Variants in ZBED6 observed in about 807,000 individuals in gnomAD.
ZBED6 encodes zinc finger BED domain-containing protein 6.
In ZBED6, 40 loss-of-function variants were observed where a neutral mutation model predicts 58.4. The ratio of observed to expected loss-of-function variants is 0.68; its 90% CI spans 0.53 to 0.89. The LOEUF (loss-of-function observed/expected upper bound fraction) is 0.89. Ranked by LOEUF, ZBED6 falls within the 40% of genes least tolerant of loss-of-function variation. ZBED6 has a pLI of 0.00. For synonymous variants in ZBED6, 439 were observed against 350.6 expected (o/e 1.25, Z -2.82); for missense variants, 1,057 against 1,003.9 (o/e 1.05, Z -0.71).
At chr1:203,818,423 C>A in intron 2 of ZBED6, 147 bp from the exon 3 acceptor site, 1 of 1,064,804 alleles carries the variant, frequency 9.4e-7, no homozygotes, top group Non-Finnish European at 1.3e-6. Context: ...TCGGTTTGTT[C>A]CTGTCATTCC....
intron 1 of ZBED6, among the ~76,000 whole-genome samples, chr1:203,814,335 C>A (rs1234634880): frequency 6.6e-6 from 1 of 152,096 alleles, no homozygotes; most frequent in East Asian, 1.9e-4. Flanking sequence ...ACCAGCCTGG[C>A]CAACATGGCG....
intron 1 of ZBED6, among the ~76,000 whole-genome samples, chr1:203,811,346 A>G (rs1358485347): frequency 3.9e-5 from 6 of 152,194 alleles, no homozygotes; most frequent in Admixed American, 3.9e-4. Context: ...ATTAGTTGCC[A>G]AAAAATTGTA....
In ZBED6 at chr1:203,851,138, A is replaced by T. The variant is rs1308987554; in HGVS notation, c.*4873+14A>T. 6.8e-6 allele frequency: 11 copies of T among 1,613,498 alleles called. No individual in the cohort carries two copies. The Admixed American group carries it at 1.3e-4, about 20-fold the overall frequency. Reference sequence around the variant, plus strand: ...TCCTAGAGACAGGTAATACTTTGTAATTCTTTCTAAACAAACTCCAGGCCC... The same window carrying T: ...TCCTAGAGACAGGTAATACTTTGTATTTCTTTCTAAACAAACTCCAGGCCC... On this transcript the variant is annotated intron_variant, in intron 16 of 16. Coordinates refer to ENST00000550078, the Ensembl canonical transcript of ZBED6.
chr1:203,832,657 G>A (rs923098167), intron 8 of ZBED6, among the ~76,000 whole-genome samples: 1 of 152,028 alleles, frequency 6.6e-6, no homozygotes, highest in Non-Finnish European at 1.5e-5. Context: ...CACCACACCC[G>A]GCCTGTAACG....
At chr1:203,850,517 A>G (rs1689009751) in exon 15 of ZBED6, 1 of 1,613,866 alleles carries the variant, frequency 6.2e-7, no homozygotes, top group African/African-American at 1.3e-5. Flanking sequence ...CTTTGTAGCT[A>G]AACCCAAAGT....
chr1:203,806,037 C>T (rs1672218660), intron 1 of ZBED6: 7 of 538,744 alleles, frequency 1.3e-5, no homozygotes, highest in Non-Finnish European at 2.5e-5. Flanking sequence ...GATTGTCCTG[C>T]TGCTGCTCAT....
chr1:203,801,218 T>C (rs1187535468), exon 1 of ZBED6: 1 of 152,204 alleles, frequency 6.6e-6, no homozygotes, highest in East Asian at 1.9e-4. Context: ...GGAATTGTAA[T>C]GAGAGCCCTT....
intron 8 of ZBED6, among the ~76,000 whole-genome samples, chr1:203,832,421 T>C (rs887700760): frequency 1.3e-5 from 2 of 151,828 alleles, no homozygotes; most frequent in East Asian, 1.9e-4. Flanking sequence ...AGTGCAATGG[T>C]GCGATCTCCA....
exon 1 of ZBED6, chr1:203,796,532 C>T (rs1571838836): frequency 2.5e-6 from 1 of 398,934 alleles, no homozygotes; most frequent in East Asian, 3.6e-5. Context: ...ATATTGTTGA[C>T]ATCTTCCAGG....
At chr1:203,829,926 T>C (rs368118849) in intron 6 of ZBED6, 30 bp downstream of exon 6, 17 of 1,587,422 alleles carry the variant, frequency 1.1e-5, no homozygotes, top group East Asian at 4.5e-5. Flanking sequence ...GTGCCTCTTA[T>C]AGCACTGTTG....
intron 11 of ZBED6, among the ~76,000 whole-genome samples, chr1:203,842,285 C>A (rs1371814676): frequency 6.6e-6 from 1 of 152,224 alleles, no homozygotes; most frequent in African/African-American, 2.4e-5. Flanking sequence ...CGAGATCACG[C>A]CACTGCACTC....
intron 7 of ZBED6, among the ~76,000 whole-genome samples, chr1:203,831,303 T>A (rs571313749): frequency 6.6e-6 from 1 of 152,254 alleles, no homozygotes; most frequent in African/African-American, 2.4e-5. Flanking sequence ...GAGTTGTGTT[T>A]TCAGATGATT....
chr1:203,816,163 TTG>T (rs1377032506), intron 1 of ZBED6, among the ~76,000 whole-genome samples: 50 of 152,368 alleles, frequency 3.3e-4, no homozygotes, highest in African/African-American at 1.2e-3. Flanking sequence ...GTGAAAATAT[TTG>T]AAGTTTTTCA....
At chr1:203,813,699 A>C (rs1675274266) in intron 1 of ZBED6, among the ~76,000 whole-genome samples, 1 of 152,108 alleles carries the variant, frequency 6.6e-6, no homozygotes, top group Non-Finnish European at 1.5e-5. Context: ...TCTCCCTCTG[A>C]AGCCTGTAGA....
At chr1:203,837,859 T>G (rs1684868678) in intron 9 of ZBED6, 107 bp from the exon 10 acceptor site, 1 of 1,012,038 alleles carries the variant, frequency 9.9e-7, no homozygotes, top group South Asian at 1.6e-5. Flanking sequence ...GCCATATGTA[T>G]GCAGAACACT....
At chr1:203,799,780 C>A in exon 1 of ZBED6, 1 of 1,027,218 alleles carries the variant, frequency 9.7e-7, no homozygotes, top group Non-Finnish European at 1.5e-6. Context: ...GAAACAGATA[C>A]CCTACTAAGT....
At chr1:203,797,674 G>A in exon 1 of ZBED6, 1 of 1,535,972 alleles carries the variant, frequency 6.5e-7, no homozygotes, top group Non-Finnish European at 8.7e-7. Flanking sequence ...GTAGCAGAAG[G>A]AGTGAATAAA....
intron 11 of ZBED6, among the ~76,000 whole-genome samples, chr1:203,840,853 C>G (rs1414363027): frequency 6.6e-6 from 1 of 152,122 alleles, no homozygotes; most frequent in Admixed American, 6.6e-5. Flanking sequence ...AGGCTGGTCT[C>G]AAACTCCTGA....
At chr1:203,833,389 A>G (rs1683101874) in intron 8 of ZBED6, among the ~76,000 whole-genome samples, 1 of 140,134 alleles carries the variant, frequency 7.1e-6, no homozygotes, top group Non-Finnish European at 1.5e-5. Context: ...AAAAAACACC[A>G]GGTGTGGTAG....
Sources: gnomAD v4.1 joint callset for allele counts (sites outside exome capture counted in the v4.1 genomes callset) on GRCh38, gnomAD v4.1.1 for gene constraint, MANE v1.5 for transcripts, NCBI Gene and HGNC (gene_info 2026-07-23, HGNC 2026-07-21) for gene names.